Variants in PLCB1 observed in about 807,000 individuals in gnomAD.
The protein encoded by PLCB1 is phospholipase C beta 1.
In PLCB1, 46 loss-of-function variants were observed where a neutral mutation model predicts 161.8. The ratio of observed to expected loss-of-function variants is 0.28; its 90% confidence interval spans 0.22 to 0.36. The LOEUF (loss-of-function observed/expected upper bound fraction) is 0.36. Among genes scored for constraint, PLCB1 ranks in the 10% least tolerant of loss-of-function variants. The pLI is 1.00. For missense variants in PLCB1, 1,016 were observed against 1,472.5 expected (o/e 0.69, Z 5.07); for synonymous variants, 517 against 503.7 (o/e 1.03, Z -0.35).
At chr20:8,682,946 G>A (rs182434735) in intron 9 of PLCB1, among the ~76,000 whole-genome samples, 7 of 152,128 alleles carry the variant, frequency 4.6e-5, no homozygotes, top group Admixed American at 4.6e-4. Flanking sequence ...AGCAGTCAAT[G>A]CAATGTCATT....
At chr20:8,881,503 A>G in intron 31 of PLCB1, 119 bp from the exon 32 acceptor site, 1 of 733,052 alleles carries the variant, frequency 1.4e-6, no homozygotes, top group Non-Finnish European at 2.4e-6. Context: ...CCAGTGAATG[A>G]TATTTTAAGT....
At chr20:8,488,557 G>A (rs1982822414) in intron 3 of PLCB1, among the ~76,000 whole-genome samples, 2 of 152,000 alleles carry the variant, frequency 1.3e-5, no homozygotes, top group Admixed American at 6.6e-5. Flanking sequence ...AGACTCATGC[G>A]TGAAATGACC....
At chr20:8,693,216 G>C (rs565021766) in intron 10 of PLCB1, among the ~76,000 whole-genome samples, 12 of 152,276 alleles carry the variant, frequency 7.9e-5, no homozygotes, top group African/African-American at 2.9e-4. Flanking sequence ...TGGGGAATAT[G>C]TACAAACACA....
chr20:8,576,493 T>C (rs1986676627), intron 3 of PLCB1, among the ~76,000 whole-genome samples: 1 of 152,236 alleles, frequency 6.6e-6, no homozygotes, highest in Non-Finnish European at 1.5e-5. Context: ...CACTGACATA[T>C]TTCCATACAA....
chr20:8,727,622 C>T (rs1477291540), intron 17 of PLCB1, among the ~76,000 whole-genome samples: 1 of 152,082 alleles, frequency 6.6e-6, no homozygotes, highest in Non-Finnish European at 1.5e-5. Flanking sequence ...AGGTTGCCTT[C>T]ACACCACCAA....
intron 2 of PLCB1, among the ~76,000 whole-genome samples, chr20:8,322,146 T>C (rs561570697): frequency 5.9e-5 from 9 of 152,232 alleles, no homozygotes; most frequent in Admixed American, 5.2e-4. Flanking sequence ...ATATTCTTTA[T>C]TTTGGCTTCT....
At chr20:8,483,094 A>G (rs1274109187) in intron 3 of PLCB1, among the ~76,000 whole-genome samples, 1 of 152,228 alleles carries the variant, frequency 6.6e-6, no homozygotes, top group African/African-American at 2.4e-5. Context: ...TAACCAGCTC[A>G]CTATTTAAGA....
chr20:8,638,251 G>A (rs995940659), intron 4 of PLCB1, among the ~76,000 whole-genome samples: 9 of 152,126 alleles, frequency 5.9e-5, no homozygotes, highest in African/African-American at 2.2e-4. Flanking sequence ...TAAAAGGAAT[G>A]GCAGGTAAAT....
intron 3 of PLCB1, among the ~76,000 whole-genome samples, chr20:8,443,528 A>G (rs1472656965): frequency 6.6e-6 from 1 of 152,166 alleles, no homozygotes; most frequent in Non-Finnish European, 1.5e-5. Context: ...TTGGTGCCCC[A>G]ACTTCACTCC....
intron 31 of PLCB1, chr20:8,792,459 A>G (rs1337484431): frequency 2.2e-6 from 1 of 445,888 alleles, no homozygotes; most frequent in African/African-American, 2.0e-5. Context: ...CAGGTTACAT[A>G]CAGTGTACGT....
chr20:8,441,060 T>C (rs1429826137), intron 3 of PLCB1, among the ~76,000 whole-genome samples: 3 of 152,134 alleles, frequency 2.0e-5, no homozygotes, highest in Admixed American at 2.0e-4. Context: ...GAGTGATCTT[T>C]TGAAAAAGGT....
intron 2 of PLCB1, among the ~76,000 whole-genome samples, chr20:8,151,572 C>G (rs556849935): frequency 6.6e-6 from 1 of 152,178 alleles, no homozygotes; most frequent in East Asian, 1.9e-4. Flanking sequence ...CTACTTAACG[C>G]TCACATTTAT....
At chr20:8,229,133 C>T (rs1979868732) in intron 2 of PLCB1, among the ~76,000 whole-genome samples, 1 of 152,060 alleles carries the variant, frequency 6.6e-6, no homozygotes, top group Non-Finnish European at 1.5e-5. Context: ...TGAGCACAAG[C>T]AGTATTTATC....
intron 22 of PLCB1, among the ~76,000 whole-genome samples, chr20:8,741,133 G>A (rs79431645): frequency 6.6e-6 from 1 of 152,324 alleles, no homozygotes; most frequent in East Asian, 1.9e-4. Context: ...AAGAAACTAA[G>A]GAATCAAGAA....
In PLCB1 at chr20:8,495,163, T is replaced by A. The variant is rs528924652; in HGVS notation, c.246+123713T>A. On this transcript the variant is annotated intron_variant, in intron 3 of 31. Coordinates refer to ENST00000338037, the MANE Select transcript of PLCB1 (RefSeq NM_015192.4). ...AGCATTTACTATGGCTAGTCACCAT[T>A]TTAAGCCTGTCACTAAATGAAGTTA... Among the ~76,000 whole-genome samples, 4 of 152,234 alleles carry A rather than the reference T, an allele frequency of 2.6e-5. No individual in the cohort carries two copies. The East Asian group carries it at 7.7e-4, about 29-fold the overall frequency.
At chr20:8,486,712 G>T (rs184971892) in intron 3 of PLCB1, among the ~76,000 whole-genome samples, 132 of 150,864 alleles carry the variant, frequency 8.7e-4, no homozygotes, top group African/African-American at 3.1e-3. Flanking sequence ...AGCCAGGATG[G>T]TCTCGATCTC....
intron 3 of PLCB1, among the ~76,000 whole-genome samples, chr20:8,559,858 T>G (rs1169605492): frequency 1.3e-5 from 2 of 152,008 alleles, no homozygotes; most frequent in African/African-American, 4.8e-5. Flanking sequence ...TTAATTTACC[T>G]CTCTGAGTTT....
chr20:8,705,273 G>GA (rs1322861220), intron 11 of PLCB1, among the ~76,000 whole-genome samples: 2 of 152,044 alleles, frequency 1.3e-5, no homozygotes, highest in Admixed American at 1.3e-4. Context: ...GGTCCTTTAT[G>GA]AAAAAATGTA....
At chr20:8,804,388 T>C (rs1421928665) in intron 31 of PLCB1, among the ~76,000 whole-genome samples, 2 of 151,334 alleles carry the variant, frequency 1.3e-5, no homozygotes, top group Non-Finnish European at 2.9e-5. Flanking sequence ...ATACCTAGAC[T>C]TCAAACATTT....
Sources: allele counts gnomAD v4.1 joint callset (sites outside exome capture counted in the v4.1 genomes callset), GRCh38; gene constraint gnomAD v4.1.1; transcripts MANE v1.5; gene names NCBI Gene and HGNC (gene_info 2026-07-23, HGNC 2026-07-21).